The following RARB variants were observed in gnomAD, a reference collection of about 807,000 sequenced individuals.
RARB encodes HBV-activated protein.
Under a neutral mutation model 51.9 loss-of-function variants are expected in RARB, and 17 were observed. That is an observed-to-expected ratio of 0.33 (90% CI 0.22 to 0.49). The LOEUF is 0.49. RARB is among the 20% of genes least tolerant of loss of function. The probability of loss-of-function intolerance (pLI) is 0.99; values close to 1 mark genes in which losing one functional copy is unlikely to be tolerated. For missense variants in RARB, 369 were observed against 550.8 expected, an observed-to-expected ratio of 0.67 and a Z score of 3.30; for synonymous variants, 215 against 195.4, an observed-to-expected ratio of 1.10 and a Z score of -0.84.
intron 4 of RARB, among the ~76,000 whole-genome samples, chr3:25,572,555 G>C (rs1286736): frequency 1 from 152,163 of 152,236 alleles, 76,045 homozygotes; most frequent in Middle Eastern, 1. Flanking sequence ...CTTTTAACCA[G>C]TATACTATAC....
chr3:25,081,939 A>T (rs114724758), intron 3 of RARB, among the ~76,000 whole-genome samples: 1,573 of 151,712 alleles, frequency 0.01, 8 homozygotes, highest in Admixed American at 0.016. Flanking sequence ...GGCCTGCTTC[A>T]TATATTTTTA....
At chr3:24,895,182 A>G (rs1178141584) in intron 2 of RARB, among the ~76,000 whole-genome samples, 1 of 152,258 alleles carries the variant, frequency 6.6e-6, no homozygotes, top group African/African-American at 2.4e-5. Context: ...TCTTCAAATG[A>G]AGAAACTGAA....
At chr3:24,851,230 C>G (rs931907573) in intron 1 of RARB, among the ~76,000 whole-genome samples, 1 of 151,904 alleles carries the variant, frequency 6.6e-6, no homozygotes, top group Non-Finnish European at 1.5e-5. Context: ...GAGTTTGAGA[C>G]CAGGCTGGGC....
intron 2 of RARB, among the ~76,000 whole-genome samples, chr3:24,880,954 G>C (rs987539536): frequency 6.6e-6 from 1 of 152,126 alleles, no homozygotes; most frequent in Non-Finnish European, 1.5e-5. Flanking sequence ...AATATGGTTT[G>C]GCTCTGTGTC....
In RARB at chr3:25,186,838, T is replaced by C. The variant is rs1249047178; in HGVS notation, c.178+12263T>C. Among the ~76,000 whole-genome samples, 4 of 151,664 alleles carry C rather than the reference T, an allele frequency of 2.6e-5. 1 individual carries two copies. The highest frequency in any genetic ancestry group is 2.6e-4 in the Admixed American group (4 of 15,182). ...ACAAATTTGTTTAATGTAAGTTATA[T>C]ATGCTTGGGAACCTTCAGAAATGAA... On this transcript the variant is annotated intron_variant, in intron 5 of 11. Coordinates refer to the RARB transcript ENST00000383772.
chr3:25,423,105 T>C (rs1006459966), intron 5 of RARB, among the ~76,000 whole-genome samples: 10 of 152,228 alleles, frequency 6.6e-5, no homozygotes, highest in Admixed American at 6.5e-4. Context: ...AAATGTTTGC[T>C]GACCCCGGTT....
Position 25,066,089 on chromosome 3 carries a change from C to T in RARB, c.-328+5913C>T, listed in dbSNP as rs556626315. ...GTTTTTTTCTGAATAACCCAAGATT[C>T]CCTTATTACTGTGATGTCTAAAGAA... On this transcript the variant is annotated intron_variant, in intron 3 of 11. Transcript: ENST00000383772. 1.4e-4 allele frequency among the ~76,000 whole-genome samples: 21 copies of T among 152,148 alleles called. No individual in the cohort carries two copies. In the South Asian group the frequency reaches 4.1e-3, roughly 30 times the overall value.
In RARB at chr3:25,065,564, A is replaced by T. The variant is rs574044592; in HGVS notation, c.-328+5388A>T. Among the ~76,000 whole-genome samples, 4 of 152,326 alleles carry T rather than the reference A, an allele frequency of 2.6e-5. No homozygotes were observed. The East Asian group carries it at 7.7e-4, about 29-fold the overall frequency. ...GTCTTCTGTTGCTATATATGTGACCATCTAAAAACACTGACCAAGATACAG... is the reference window on the plus strand; with the variant it reads ...GTCTTCTGTTGCTATATATGTGACCTTCTAAAAACACTGACCAAGATACAG... On this transcript the variant is annotated intron_variant, in intron 3 of 11. Transcript: ENST00000383772.
chr3:24,973,684 A>T (rs1696449384), intron 2 of RARB, among the ~76,000 whole-genome samples: 2 of 151,866 alleles, frequency 1.3e-5, no homozygotes, highest in South Asian at 4.1e-4. Flanking sequence ...GGTTAAATTT[A>T]TTTCTAGGTA....
At chr3:25,119,981 G>C (rs1363532204) in intron 3 of RARB, among the ~76,000 whole-genome samples, 1 of 152,106 alleles carries the variant, frequency 6.6e-6, no homozygotes, top group Non-Finnish European at 1.5e-5. Flanking sequence ...CACAAGGAGA[G>C]TTTAGAGTGC....
chr3:25,356,050 G>C (rs1203676839), intron 5 of RARB, among the ~76,000 whole-genome samples: 1 of 152,136 alleles, frequency 6.6e-6, no homozygotes, highest in African/African-American at 2.4e-5. Context: ...ATAGAAAGGA[G>C]ATGTAGTAAA....
At chr3:25,362,302 C>T (rs1157919097) in intron 5 of RARB, among the ~76,000 whole-genome samples, 3 of 152,144 alleles carry the variant, frequency 2.0e-5, no homozygotes, top group Admixed American at 2.0e-4. Context: ...GGGAAAACTG[C>T]CTACTAAAGC....
intron 5 of RARB, among the ~76,000 whole-genome samples, chr3:25,198,186 G>A (rs549610129): frequency 3.3e-5 from 5 of 151,648 alleles, no homozygotes; most frequent in East Asian, 3.9e-4. Context: ...GTACAATCTC[G>A]TCAATTAGTG....
intron 2 of RARB, among the ~76,000 whole-genome samples, chr3:24,964,353 C>T (rs1250296636): frequency 1.3e-5 from 2 of 151,974 alleles, no homozygotes; most frequent in Non-Finnish European, 2.9e-5. Context: ...GAGAAATATC[C>T]TCTTTTTTTT....
intron 5 of RARB, among the ~76,000 whole-genome samples, chr3:25,372,446 A>T (rs773905351): frequency 1.6e-4 from 24 of 152,216 alleles, no homozygotes; most frequent in Non-Finnish European, 2.6e-4. Context: ...TTTTTGCAGG[A>T]GACATAATAG....
chr3:25,098,198 T>C (rs1699336684), intron 3 of RARB, among the ~76,000 whole-genome samples: 1 of 152,008 alleles, frequency 6.6e-6, no homozygotes, highest in South Asian at 2.1e-4. Flanking sequence ...GGTGAAAAGT[T>C]GGTATTTACA....
chr3:25,371,140 G>A (rs1442094501), intron 5 of RARB, among the ~76,000 whole-genome samples: 1 of 152,166 alleles, frequency 6.6e-6, no homozygotes, highest in Non-Finnish European at 1.5e-5. Flanking sequence ...TCATGTGTTG[G>A]AAACTTAACC....
chr3:25,518,134 G>T (rs139266340), intron 3 of RARB, among the ~76,000 whole-genome samples: 8 of 152,144 alleles, frequency 5.3e-5, no homozygotes, highest in African/African-American at 1.9e-4. Context: ...CATTTGAATT[G>T]TATCTTAATT....
intron 5 of RARB, among the ~76,000 whole-genome samples, chr3:25,352,700 C>G (rs769549671): frequency 6.6e-6 from 1 of 152,204 alleles, no homozygotes; most frequent in Non-Finnish European, 1.5e-5. Context: ...TTAGGAAGCT[C>G]TGAACAGAGC....
Sources: allele counts gnomAD v4.1 joint callset (sites outside exome capture counted in the v4.1 genomes callset), GRCh38; gene constraint gnomAD v4.1.1; transcripts MANE v1.5; gene names NCBI Gene and HGNC (gene_info 2026-07-23, HGNC 2026-07-21).